EIF3C: variants seen among roughly 807,000 people sequenced by gnomAD.
EIF3C encodes the protein cell migration-inducing protein 17.
In EIF3C, 2 loss-of-function variants were observed where a neutral mutation model predicts 11.1. The observed-to-expected ratio is 0.18, with a 90% CI of 0.07 to 0.57. EIF3C has a LOEUF of 0.57. EIF3C is among the 20% of genes least tolerant of loss of function. The probability of loss-of-function intolerance (pLI) is 0.92; values close to 1 mark genes in which losing one functional copy is unlikely to be tolerated. For missense variants in EIF3C, 16 were observed against 114.6 expected (o/e 0.14, Z 3.93); for synonymous variants, 2 against 41.5 (o/e 0.05, Z 3.66).
intron 1 of EIF3C, among the ~76,000 whole-genome samples, chr16:28,699,482 CGGAGAG>C (rs56382957): frequency 0.44 from 37,082 of 84,800 alleles, 11,681 homozygotes; most frequent in Admixed American, 0.52. Context: ...GAGACGGAGA[CGGAGAG>C]GGAGAGGGAG....
intron 1 of EIF3C, among the ~76,000 whole-genome samples, chr16:28,699,961 T>C (rs1289806361): frequency 2.0e-5 from 1 of 50,738 alleles, no homozygotes; most frequent in African/African-American, 8.0e-5. Flanking sequence ...CTGAGCCACC[T>C]AGTGGCTGGG....
intron 1 of EIF3C, chr16:28,700,924 G>A (rs539035178): frequency 0.012 from 2,383 of 199,788 alleles, 317 homozygotes; most frequent in Non-Finnish European, 0.015. Flanking sequence ...TTTTTGAGAC[G>A]GAGTCTTGCT....
chr16:28,698,262 C>A (rs1462857197), intron 1 of EIF3C, among the ~76,000 whole-genome samples: 1 of 127,208 alleles, frequency 7.9e-6, no homozygotes. Flanking sequence ...GGGGCTGACC[C>A]CCCCATCTCC....
rs79129202 is a variant in EIF3C at position 28,700,540 on chromosome 16, T to C, written c.-30-11117T>C. ...CGTCACCTCCACGGGTTCCAGGCCA[T>C]CAGGGCCAAGCTGCTTCTTGAGCTC... On this transcript the variant is annotated intron_variant, in intron 1 of 20. Coordinates refer to the EIF3C transcript ENST00000566501. 8,963 of 308,428 alleles carry C rather than the reference T, an allele frequency of 0.029. 1,352 individuals are homozygous for C. In the African/African-American group the frequency reaches 0.31, roughly 11 times the overall value. The allele number at this position is 308,428 out of a possible 1,614,324, so 19.1% of individuals were successfully genotyped here.
intron 1 of EIF3C, among the ~76,000 whole-genome samples, chr16:28,696,293 G>A (rs571165039): frequency 0.023 from 1,301 of 55,886 alleles, 191 homozygotes; most frequent in Non-Finnish European, 0.027. Context: ...TTGAACCTGG[G>A]AGGCAGAGGC....
rs28612437 is a variant in EIF3C, at chr16:28,699,465, G to A, written c.-31+10637G>A. Among the ~76,000 whole-genome samples the A allele has an allele frequency of 8.0e-5, 7 of 87,470 alleles. No homozygotes were observed. The East Asian group carries it at 2.7e-3, about 34-fold the overall frequency. The allele number at this position is 87,470 out of a possible 152,430, so 57.4% of individuals were successfully genotyped here. On this transcript the variant is annotated intron_variant, in intron 1 of 20. Coordinates refer to the EIF3C transcript ENST00000566501. ...AGGGAGACCGTGGGGAGAGGGAGAC[G>A]GAGACGGAGACGGAGACGGAGAGGG...
At chr16:28,695,649 G>A (rs2048235455) in intron 1 of EIF3C, among the ~76,000 whole-genome samples, 1 of 49,800 alleles carries the variant, frequency 2.0e-5, no homozygotes, top group Non-Finnish European at 3.7e-5. Flanking sequence ...AATCATGGTG[G>A]AAAGGGCTAA....
intron 15 of EIF3C, among the ~76,000 whole-genome samples, chr16:28,729,981 C>G (rs1399188722): frequency 6.6e-6 from 1 of 150,444 alleles, no homozygotes; most frequent in Non-Finnish European, 1.5e-5. Flanking sequence ...TACCCGGTTA[C>G]TTCTCCTTCA....
intron 2 of EIF3C, chr16:28,712,233 C>A: frequency 1.2e-5 from 1 of 80,490 alleles, no homozygotes. Flanking sequence ...TGCCTGTTCA[C>A]TTCTACGTAA....
At chr16:28,697,792 G>T (rs1215739130) in intron 1 of EIF3C, among the ~76,000 whole-genome samples, 2 of 97,264 alleles carry the variant, frequency 2.1e-5, no homozygotes, top group Admixed American at 1.8e-4. Context: ...CTCACCTCCC[G>T]GATGGGGCGG....
intron 1 of EIF3C, among the ~76,000 whole-genome samples, chr16:28,697,935 T>C (rs1596703171): frequency 2.4e-5 from 2 of 83,292 alleles, no homozygotes; most frequent in Non-Finnish European, 4.5e-5. Context: ...CACTTCCCAG[T>C]AGGGGCGGCC....
At position 28,731,160 on chromosome 16, in the gene EIF3C, ACT is replaced by A. The variant is rs1406839910; in HGVS notation, c.1819-667_1819-666del. ...CTCCAAAAAAAAAAAAAAAAAAAAA[ACT>A]CATAAATGGCTGGTGCTCGCCCATC... is the stretch of plus-strand genomic sequence containing the variant. On this transcript the variant is annotated intron_variant, in intron 15 of 20. Coordinates refer to ENST00000331666, the MANE Select transcript of EIF3C (RefSeq NM_003752.5). Among the ~76,000 whole-genome samples the A allele has an allele frequency of 1.2e-4, 6 of 51,344 alleles. No homozygotes were observed. The South Asian group carries it at 2.2e-3, about 19-fold the overall frequency. 33.7% of individuals were successfully genotyped at this position (51,344 alleles called of 152,430 possible).
chr16:28,691,235 C>A lies in EIF3C; in HGVS notation c.-31+2407C>A, dbSNP rs1342071749. Among the ~76,000 whole-genome samples the A allele has an allele frequency of 1.9e-4, 7 of 37,806 alleles. 3 individuals are homozygous for A. In the Admixed American group the frequency reaches 2.6e-3, roughly 14 times the overall value. The allele number at this position is 37,806 out of a possible 152,430, so 24.8% of individuals were successfully genotyped here. A position where few individuals can be genotyped will look rare whatever the true frequency, so the allele number is the denominator to read the frequency against. On this transcript the variant is annotated intron_variant, in intron 1 of 20. Transcript: ENST00000566501. Reference sequence around the variant, plus strand: ...TATATATATATGGAGCAGAAAAAGCCTTTGTTGGACGAATTTACAAAGCTT... The same window carrying A: ...TATATATATATGGAGCAGAAAAAGCATTTGTTGGACGAATTTACAAAGCTT...
At chr16:28,729,915 C>A (rs451689) in intron 15 of EIF3C, among the ~76,000 whole-genome samples, 45,257 of 149,222 alleles carry the variant, frequency 0.3, 6,999 homozygotes, top group Non-Finnish European at 0.4. Flanking sequence ...GCCACGATCA[C>A]GCCACTGCAC....
intron 1 of EIF3C, among the ~76,000 whole-genome samples, chr16:28,698,328 G>A (rs1180224416): frequency 3.0e-5 from 3 of 101,100 alleles, no homozygotes; most frequent in African/African-American, 9.0e-5. Context: ...CAGTAGGGGC[G>A]GCCGGGCAGA....
chr16:28,707,078 C>CT (rs1165801182), upstream of EIF3C, among the ~76,000 whole-genome samples: 56 of 21,402 alleles, frequency 2.6e-3, 5 homozygotes, highest in East Asian at 8.8e-3. Flanking sequence ...TTTTCTTTCC[C>CT]TTTTTTTTTT....
chr16:28,698,002 C>CA, intron 1 of EIF3C, among the ~76,000 whole-genome samples: 1 of 37,094 alleles, frequency 2.7e-5, no homozygotes, highest in Non-Finnish European at 4.4e-5. Flanking sequence ...GGGGGGCTGA[C>CA]CCCCCCCACC....
intron 1 of EIF3C, among the ~76,000 whole-genome samples, chr16:28,698,412 A>C (rs2048257043): frequency 1.2e-5 from 1 of 80,230 alleles, no homozygotes; most frequent in Non-Finnish European, 2.2e-5. Flanking sequence ...CCCGGACGGC[A>C]TGGCTGGCCA....
upstream of EIF3C, among the ~76,000 whole-genome samples, chr16:28,707,336 G>A (rs2048293916): frequency 3.5e-3 from 1 of 282 alleles, no homozygotes; most frequent in Non-Finnish European, 6.8e-3. Context: ...CACCCGCCTC[G>A]GCCTCCCAAA....
Sources: allele counts gnomAD v4.1 joint callset (sites outside exome capture counted in the v4.1 genomes callset), GRCh38; gene constraint gnomAD v4.1.1; transcripts MANE v1.5; gene names NCBI Gene and HGNC (gene_info 2026-07-23, HGNC 2026-07-21).